GSK3B: variants seen among roughly 807,000 people sequenced by gnomAD.
GSK3B encodes glycogen synthase kinase 3 beta.
A neutral mutation model predicts 56.4 loss-of-function variants in GSK3B; 15 were observed. The ratio of observed to expected loss-of-function variants is 0.27; its 90% CI spans 0.18 to 0.41. GSK3B has a LOEUF of 0.41. Ranked by LOEUF, GSK3B falls within the 10% of genes least tolerant of loss-of-function variation. The pLI is 1.00. For synonymous variants in GSK3B, 181 were observed against 188.9 expected (o/e 0.96, Z 0.34); for missense variants, 300 against 513.4 (o/e 0.58, Z 4.02).
chr3:119,843,958 A>AC (rs2055817070), intron 9 of GSK3B, among the ~76,000 whole-genome samples: 1 of 152,152 alleles, frequency 6.6e-6, no homozygotes, highest in African/African-American at 2.4e-5. Context: ...AAAGAACAGA[A>AC]ATCATAACAA....
intron 1 of GSK3B, among the ~76,000 whole-genome samples, chr3:120,015,739 T>C (rs958193218): frequency 9.1e-4 from 135 of 147,774 alleles, no homozygotes; most frequent in African/African-American, 3.2e-3. Flanking sequence ...ACAATGCAAA[T>C]GCTCAGCAAA....
intron 2 of GSK3B, among the ~76,000 whole-genome samples, chr3:119,954,081 C>T (rs557606449): frequency 6.6e-5 from 10 of 152,184 alleles, no homozygotes; most frequent in African/African-American, 2.4e-4. Context: ...TTCTGTATTA[C>T]TCTCAGAGTT....
intron 2 of GSK3B, among the ~76,000 whole-genome samples, chr3:119,973,576 C>G (rs1480287494): frequency 2.0e-5 from 3 of 152,202 alleles, no homozygotes; most frequent in Non-Finnish European, 4.4e-5. Flanking sequence ...ACTATCTCAT[C>G]ATGTAGGCAT....
chr3:119,840,761 G>C (rs1437911371), intron 10 of GSK3B, among the ~76,000 whole-genome samples: 2 of 151,804 alleles, frequency 1.3e-5, no homozygotes, highest in African/African-American at 2.4e-5. Context: ...TTACAATAAG[G>C]GGAACTTTAA....
At chr3:119,883,952 T>A (rs2056406862) in intron 7 of GSK3B, among the ~76,000 whole-genome samples, 1 of 152,070 alleles carries the variant, frequency 6.6e-6, no homozygotes, top group Admixed American at 6.6e-5. Flanking sequence ...CACCAAGTGG[T>A]GAACATTAGA....
In GSK3B at chr3:119,930,100, C is replaced by CAA. The variant is rs2056930580; in HGVS notation, c.367-6618_367-6617insTT. ...TCTCCTACACACACACACACACACA[C>CAA]ACACACACACACACACACACACACG... On this transcript the variant is annotated intron_variant, in intron 3 of 10. Transcript: ENST00000264235. Among the ~76,000 whole-genome samples, 6 of 150,132 alleles carry CAA rather than the reference C, an allele frequency of 4.0e-5. No homozygotes were observed. The Admixed American group carries it at 4.0e-4, about 10-fold the overall frequency.
intron 2 of GSK3B, among the ~76,000 whole-genome samples, chr3:119,996,273 C>G (rs1245884860): frequency 6.6e-6 from 1 of 152,186 alleles, no homozygotes; most frequent in Non-Finnish European, 1.5e-5. Context: ...TACATCTTCT[C>G]CATCAAAACA....
chr3:120,015,140 T>A (rs2057812496), intron 1 of GSK3B, among the ~76,000 whole-genome samples: 1 of 152,232 alleles, frequency 6.6e-6, no homozygotes, highest in Non-Finnish European at 1.5e-5. Flanking sequence ...TAGCACAGGT[T>A]ACACAGTTGT....
At chr3:119,888,927 T>C (rs1732166) in intron 7 of GSK3B, among the ~76,000 whole-genome samples, 150,961 of 152,106 alleles carry the variant, frequency 0.99, 74,926 homozygotes, top group East Asian at 1. Context: ...TGGGGAAAAA[T>C]CCCGCCCTGG....
chr3:119,837,712 C>G (rs1012790862), intron 10 of GSK3B, among the ~76,000 whole-genome samples: 43 of 151,914 alleles, frequency 2.8e-4, no homozygotes, highest in African/African-American at 9.9e-4. Flanking sequence ...ATCTCACATT[C>G]AACTCATCTG....
chr3:119,968,970 G>A (rs1183151308), intron 2 of GSK3B, among the ~76,000 whole-genome samples: 1 of 152,146 alleles, frequency 6.6e-6, no homozygotes, highest in African/African-American at 2.4e-5. Context: ...AAATGCTTAG[G>A]TATAAATCTA....
At chr3:119,842,480 T>G (rs2055786743) in intron 10 of GSK3B, among the ~76,000 whole-genome samples, 1 of 152,160 alleles carries the variant, frequency 6.6e-6, no homozygotes. Flanking sequence ...TCTAGTATAC[T>G]ACTGCAATTT....
chr3:119,898,036 T>C (rs1447045595), intron 7 of GSK3B, among the ~76,000 whole-genome samples: 1 of 152,124 alleles, frequency 6.6e-6, no homozygotes, highest in Non-Finnish European at 1.5e-5. Flanking sequence ...GCTGAAAATA[T>C]CCTAAGCTGA....
At chr3:119,906,135 G>T (rs1047723570) in intron 6 of GSK3B, among the ~76,000 whole-genome samples, 1 of 152,010 alleles carries the variant, frequency 6.6e-6, no homozygotes, top group Non-Finnish European at 1.5e-5. Flanking sequence ...CTAGACAGAG[G>T]ATTACAGTAC....
chr3:119,977,986 T>C (rs2057423200), intron 2 of GSK3B, among the ~76,000 whole-genome samples: 1 of 152,220 alleles, frequency 6.6e-6, no homozygotes, highest in South Asian at 2.1e-4. Context: ...TGGGCATTGC[T>C]GTATTAGTAC....
chr3:120,039,679 G>T (rs1257528446), intron 1 of GSK3B, among the ~76,000 whole-genome samples: 1 of 152,094 alleles, frequency 6.6e-6, no homozygotes, highest in African/African-American at 2.4e-5. Flanking sequence ...TAGCCAATCG[G>T]GTCTGCTTAG....
At chr3:120,007,565 C>T (rs1388702020) in intron 1 of GSK3B, among the ~76,000 whole-genome samples, 1 of 152,164 alleles carries the variant, frequency 6.6e-6, no homozygotes, top group Admixed American at 6.5e-5. Context: ...AAAGCTTATC[C>T]ACCACGATCA....
At chr3:119,899,696 AC>A (rs1332791566) in intron 7 of GSK3B, among the ~76,000 whole-genome samples, 1 of 152,148 alleles carries the variant, frequency 6.6e-6, no homozygotes, top group Non-Finnish European at 1.5e-5. Flanking sequence ...ACTAACAAAA[AC>A]AAAAAATTGA....
chr3:119,847,425 A>G (rs1160136256), intron 9 of GSK3B, among the ~76,000 whole-genome samples: 12 of 152,212 alleles, frequency 7.9e-5, no homozygotes, highest in Non-Finnish European at 7.3e-5. Flanking sequence ...GGTTGCAGTG[A>G]GCCAAGACCG....
Sources: allele counts gnomAD v4.1 joint callset (sites outside exome capture counted in the v4.1 genomes callset), GRCh38; gene constraint gnomAD v4.1.1; transcripts MANE v1.5; gene names NCBI Gene and HGNC (gene_info 2026-07-23, HGNC 2026-07-21).